ENPP4: variants seen among roughly 807,000 people sequenced by gnomAD.
ENPP4 encodes the protein bis(5'-adenosyl)-triphosphatase ENPP4.
ENPP4 carries 18 observed loss-of-function variants against 33.4 expected under a neutral mutation model. The observed-to-expected ratio is 0.54, with a 90% CI of 0.37 to 0.80. ENPP4 has a LOEUF of 0.80. Ranked by LOEUF, ENPP4 falls within the 30% of genes least tolerant of loss-of-function variation. The pLI, the probability that ENPP4 is intolerant of heterozygous loss-of-function variation, is 0.00. For synonymous variants in ENPP4, 172 were observed against 189.9 expected (o/e 0.91, Z 0.78); for missense variants, 480 against 541.7 (o/e 0.89, Z 1.13).
intron 1 of ENPP4, among the ~76,000 whole-genome samples, chr6:46,130,668 A>G (rs1763881718): frequency 6.6e-6 from 1 of 152,266 alleles, no homozygotes; most frequent in South Asian, 2.1e-4. Context: ...CAAGCCAACC[A>G]AACAATAAAA....
intron 3 of ENPP4, among the ~76,000 whole-genome samples, chr6:46,142,526 ATATT>A (rs1306358639): frequency 1.3e-5 from 2 of 148,416 alleles, no homozygotes; most frequent in African/African-American, 4.9e-5. Context: ...AAATCTTTAT[ATATT>A]CTGCTTTTTG....
chr6:46,143,223 T>G, intron 3 of ENPP4, 53 bp from the exon 4 acceptor site: 1 of 1,499,934 alleles, frequency 6.7e-7, no homozygotes, highest in Non-Finnish European at 8.9e-7. Flanking sequence ...AGCAAGTTAT[T>G]TTGTCCTAAA....
chr6:46,137,756 C>T (rs1241975563), intron 1 of ENPP4, among the ~76,000 whole-genome samples: 1 of 151,786 alleles, frequency 6.6e-6, no homozygotes, highest in Non-Finnish European at 1.5e-5. Flanking sequence ...GTTCCATGCA[C>T]CACATTCAGA....
rs1764076854 is a variant in ENPP4, at chr6:46,142,384, TTA to T, written c.998-885_998-884del. The stretch of plus-strand genomic sequence containing the variant: ...TAATATATATAATGTATATTATATA[TTA>T]TATATAATATATAATTACATATAAT... On this transcript the variant is annotated intron_variant, in intron 3 of 3. Coordinates refer to ENST00000321037, the MANE Select transcript of ENPP4 (RefSeq NM_014936.5). Among the ~76,000 whole-genome samples the T allele has an allele frequency of 2.7e-5, 4 of 145,532 alleles. No homozygotes were observed. In the Admixed American group the frequency reaches 2.8e-4, roughly 10 times the overall value.
chr6:46,139,470 C>G, intron 1 of ENPP4, 81 bp from the exon 2 acceptor site: 1 of 617,258 alleles, frequency 1.6e-6, no homozygotes, highest in Non-Finnish European at 2.9e-6. Context: ...TGTTGGTTCT[C>G]TCCTCCTGTG....
At chr6:46,141,291 TAA>T in intron 3 of ENPP4, 69 bp downstream of exon 3, 1 of 1,143,346 alleles carries the variant, frequency 8.7e-7, no homozygotes, top group Non-Finnish European at 1.3e-6. Context: ...ACTGTTGTGT[TAA>T]GAGGGTACTT....
intron 1 of ENPP4, among the ~76,000 whole-genome samples, chr6:46,132,220 G>T (rs1763911497): frequency 6.6e-6 from 1 of 152,046 alleles, no homozygotes. Context: ...TAGACATGAA[G>T]TCCTTGCCCA....
rs544257914 is a variant in ENPP4, at chr6:46,143,378, T to C, written c.1100T>C (p.Ile367Thr). ...GGCTACAAGCATAGCACAATTAACA[T>C]TGTGGATATTTATCCAATGATGTGC... ...HKGYKHSTIN[I>T]VDIYPMMCHI... The change falls in exon 4 of 4, where the codon ATT becomes ACT. Residue 367 changes from isoleucine to threonine, a missense_variant. Coordinates refer to ENST00000321037, the MANE Select transcript of ENPP4 (RefSeq NM_014936.5). The C allele has an allele frequency of 6.2e-7, 1 of 1,612,682 alleles. No homozygotes were observed. The highest frequency in any genetic ancestry group is 8.5e-7 in the Non-Finnish European group (1 of 1,179,082).
chr6:46,144,708 A>C lies in ENPP4; in HGVS notation c.*1068A>C. 1 of 353,772 alleles carries C rather than the reference A, an allele frequency of 2.8e-6. No individual in the cohort carries two copies. 21.9% of individuals were successfully genotyped at this position (353,772 alleles called of 1,614,324 possible). A position where few individuals can be genotyped will look rare whatever the true frequency, so the allele number is the denominator to read the frequency against. The stretch of plus-strand genomic sequence containing the variant: ...CAATTTGACTGGGACAGAATGAGGA[A>C]TGGAGATTTTTGTATTTATCTTTGG... On this transcript the variant is annotated 3_prime_UTR_variant, in exon 4 of 4. Coordinates refer to ENST00000321037, the MANE Select transcript of ENPP4 (RefSeq NM_014936.5).
chr6:46,143,231 A>T, intron 3 of ENPP4, 45 bp from the exon 4 acceptor site: 1 of 1,510,812 alleles, frequency 6.6e-7, no homozygotes, highest in Non-Finnish European at 8.9e-7. Flanking sequence ...ATTTTGTCCT[A>T]AAAAGTCTGA....
chr6:46,142,383 A>ATT (rs1764076758), intron 3 of ENPP4, among the ~76,000 whole-genome samples: 2 of 145,384 alleles, frequency 1.4e-5, no homozygotes, highest in African/African-American at 2.5e-5. Flanking sequence ...TATATTATAT[A>ATT]TTATATATAA....
intron 1 of ENPP4, among the ~76,000 whole-genome samples, chr6:46,136,470 G>A (rs898190443): frequency 6.6e-6 from 1 of 151,906 alleles, no homozygotes; most frequent in Non-Finnish European, 1.5e-5. Flanking sequence ...CAAGATGAAC[G>A]ATGATTATAC....
rs756751441 is a variant in ENPP4, at chr6:46,143,637, G to C, written c.1359G>C (p.Gly453=). 8.3e-5 allele frequency: 134 copies of C among 1,606,792 alleles called. No homozygotes were observed. Among genetic ancestry groups the C allele is most frequent in the Non-Finnish European group, 1.1e-4 (130 of 1,175,830 alleles). Residue 453 remains glycine (G), a synonymous_variant, in exon 4 of 4, where the codon GGG becomes GGC. Coordinates refer to ENST00000321037, the MANE Select transcript of ENPP4 (RefSeq NM_014936.5). ...AAGATGATGATGATCCTTTAATTGGGTGACATGTGCTAGGGCTTATACAAA... is the reference window on the plus strand; with the variant it reads ...AAGATGATGATGATCCTTTAATTGGCTGACATGTGCTAGGGCTTATACAAA... ...LQEDDDDPLI[G] is the part of the protein sequence containing the mutation.
Position 46,135,608 on chromosome 6 carries a change from G to T in ENPP4, c.-33-3943G>T, listed in dbSNP as rs142750887. ...TTGCAAATATTTTCTTCCATTCTCT[G>T]GGTTGTCTTTTCACTTTCTTGATGG... On this transcript the variant is annotated intron_variant, in intron 1 of 3. Coordinates refer to ENST00000321037, the MANE Select transcript of ENPP4 (RefSeq NM_014936.5). Among the ~76,000 whole-genome samples, 73 of 151,978 alleles carry T rather than the reference G, an allele frequency of 4.8e-4. No individual in the cohort carries two copies. In the East Asian group the frequency reaches 0.013, roughly 26 times the overall value.
chr6:46,143,506 A>G lies in ENPP4; in HGVS notation c.1228A>G (p.Ile410Val). The change falls in exon 4 of 4, where the codon ATT becomes GTT. Residue 410 changes from isoleucine (I) to valine (V), a missense_variant. By Grantham distance (29) the Ile-to-Val change is conservative. Around this residue, in one of 3 missense-constraint regions of ENPP4, gnomAD observed 249 missense variants for 251.8 expected, o/e 0.99. Transcript: ENST00000321037. ...WCINLPEAIA[I>V]VIGSLLVLTM... is the part of the protein sequence containing the mutation. ...CATTAATCTCCCAGAAGCCATCGCG[A>G]TTGTTATCGGTTCACTCTTGGTGTT... 1 of 1,612,880 alleles carries G rather than the reference A, an allele frequency of 6.2e-7. No individual in the cohort carries two copies.
chr6:46,142,166 T>C (rs1430630205), intron 3 of ENPP4, among the ~76,000 whole-genome samples: 1 of 151,282 alleles, frequency 6.6e-6, no homozygotes, highest in Non-Finnish European at 1.5e-5. Context: ...GCATATTTGT[T>C]GTTGACAACC....
At chr6:46,133,255 T>C (rs1485280389) in intron 1 of ENPP4, among the ~76,000 whole-genome samples, 1 of 152,182 alleles carries the variant, frequency 6.6e-6, no homozygotes, top group African/African-American at 2.4e-5. Flanking sequence ...TTTACAAAAT[T>C]GGAGAATAAT....
intron 1 of ENPP4, among the ~76,000 whole-genome samples, chr6:46,132,410 G>A (rs1018961801): frequency 6.6e-6 from 1 of 152,186 alleles, no homozygotes; most frequent in Non-Finnish European, 1.5e-5. Context: ...ATGAAATAGG[G>A]AATACTTTCC....
chr6:46,143,133 A>G, intron 3 of ENPP4, 143 bp from the exon 4 acceptor site: 1 of 759,026 alleles, frequency 1.3e-6, no homozygotes, highest in Admixed American at 2.7e-5. Flanking sequence ...AGAGGGAAAT[A>G]TGGAACATAG....
Sources: allele counts gnomAD v4.1 joint callset (sites outside exome capture counted in the v4.1 genomes callset), GRCh38; gene constraint gnomAD v4.1.1; regional missense constraint gnomAD v4.1.1; transcripts MANE v1.5; gene names NCBI Gene and HGNC (gene_info 2026-07-23, HGNC 2026-07-21).